FREM2: variants seen among roughly 807,000 people sequenced by gnomAD.
FREM2 encodes FRAS1 related extracellular matrix 2, also known as FRAS1-related extracellular matrix protein 2.
FREM2 carries 119 observed loss-of-function variants against 219.9 expected under a neutral mutation model. The ratio of observed to expected loss-of-function variants is 0.54; its 90% CI spans 0.47 to 0.63. FREM2 has a LOEUF of 0.63. Ranked by LOEUF, FREM2 falls within the 30% of genes least tolerant of loss-of-function variation. The pLI, the probability that FREM2 is intolerant of heterozygous loss-of-function variation, is 0.00. For missense variants in FREM2, 4,030 were observed against 3,993.6 expected (o/e 1.01, Z -0.25); for synonymous variants, 1,562 against 1,522.8 (o/e 1.03, Z -0.60).
In FREM2 at chr13:38,840,727, T is replaced by TAC. The variant is rs200412970; in HGVS notation, c.6020-5845_6020-5844insCA. 8.2e-3 allele frequency among the ~76,000 whole-genome samples: 1,200 copies of TAC among 146,848 alleles called. 12 individuals are homozygous for TAC. Among genetic ancestry groups the TAC allele is most frequent in the African/African-American group, 0.029 (1,149 of 39,758 alleles). On this transcript the variant is annotated intron_variant, in intron 6 of 23. Transcript: ENST00000280481. ...ATACACACACACACACAGATATATATATATACACACACACACACATACATA... is the reference window on the plus strand; with the variant it reads ...ATACACACACACACACAGATATATATACATATACACACACACACACATACATA...
chr13:38,851,288 G>A (rs1440512335), intron 10 of FREM2, among the ~76,000 whole-genome samples, 180 bp downstream of exon 10: 7 of 152,142 alleles, frequency 4.6e-5, no homozygotes, highest in Non-Finnish European at 1.5e-5. Context: ...CATTAAAACT[G>A]ATAAAGTTGA....
At chr13:38,712,580 A>G (rs1019104393) in intron 2 of FREM2, among the ~76,000 whole-genome samples, 2 of 152,048 alleles carry the variant, frequency 1.3e-5, no homozygotes, top group Non-Finnish European at 2.9e-5. Flanking sequence ...GCAGGCAGAT[A>G]TACATACACA....
chr13:38,692,605 A>C (rs1413508817), intron 1 of FREM2, 88 bp downstream of exon 1: 23 of 1,459,486 alleles, frequency 1.6e-5, no homozygotes, highest in Non-Finnish European at 2.0e-5. Flanking sequence ...ATTAAATTAG[A>C]GTCCAAGAGA....
chr13:38,771,810 G>A lies in FREM2; in HGVS notation c.5641+2002G>A, dbSNP rs1873676208. 2.6e-5 allele frequency among the ~76,000 whole-genome samples: 4 copies of A among 152,094 alleles called. No homozygotes were observed. The East Asian group carries it at 5.8e-4, about 22-fold the overall frequency. On this transcript the variant is annotated intron_variant, in intron 4 of 23. Coordinates refer to ENST00000280481, the MANE Select transcript of FREM2 (RefSeq NM_207361.6). ...AACCCAACTCTATTTCTAGTTGTAT[G>A]ACCTGAAATAAAACAGCTTTTAATA...
At chr13:38,715,320 T>G (rs1181255529) in intron 2 of FREM2, among the ~76,000 whole-genome samples, 2 of 152,080 alleles carry the variant, frequency 1.3e-5, no homozygotes, top group Non-Finnish European at 2.9e-5. Context: ...AAGAAATAAT[T>G]CAAAAAGTAG....
chr13:38,821,112 C>G (rs1266597094), intron 6 of FREM2, among the ~76,000 whole-genome samples: 3 of 152,110 alleles, frequency 2.0e-5, no homozygotes, highest in Non-Finnish European at 4.4e-5. Context: ...TCCCTATGTT[C>G]TCTGTGAACC....
rs981591348 is a variant in FREM2, at chr13:38,850,820, C to G, written c.6578-124C>G. 16 of 1,068,352 alleles carry G rather than the reference C, an allele frequency of 1.5e-5. No individual in the cohort carries two copies. The Admixed American group carries it at 2.8e-4, about 18-fold the overall frequency. 66.2% of individuals were successfully genotyped at this position (1,068,352 alleles called of 1,614,324 possible). ...TATCTGCTGAAGGCTTATTGCATGCCAAACACTATTTATTGCACTGATACA... is the reference window on the plus strand; with the variant it reads ...TATCTGCTGAAGGCTTATTGCATGCGAAACACTATTTATTGCACTGATACA... On this transcript the variant is annotated intron_variant, in intron 9 of 23. Transcript: ENST00000280481.
Position 38,885,209 on chromosome 13 carries a change from T to C in FREM2, c.*4422T>C, listed in dbSNP as rs1878686443. ...TCAGGAAGAGTACATCAGAAACTTC[T>C]CCATAAGGAAAGAAAACTGACTCTC... On this transcript the variant is annotated 3_prime_UTR_variant, in exon 24 of 24. Coordinates refer to ENST00000280481, the MANE Select transcript of FREM2 (RefSeq NM_207361.6). 1 of 152,148 alleles carries C rather than the reference T, an allele frequency of 6.6e-6. No individual in the cohort carries two copies. Among genetic ancestry groups the C allele is most frequent in the Non-Finnish European group, 1.5e-5 (1 of 68,000 alleles). 9.4% of individuals were successfully genotyped at this position (152,148 alleles called of 1,614,324 possible). A position where few individuals can be genotyped will look rare whatever the true frequency, so the allele number is the denominator to read the frequency against.
At chr13:38,874,235 T>C in intron 17 of FREM2, among the ~76,000 whole-genome samples, 1 of 152,228 alleles carries the variant, frequency 6.6e-6, no homozygotes, top group East Asian at 1.9e-4. Context: ...CTTGGTCTAT[T>C]GTAAGTAATC....
At chr13:38,767,955 C>T (rs547134163) in intron 3 of FREM2, among the ~76,000 whole-genome samples, 27 of 152,254 alleles carry the variant, frequency 1.8e-4, no homozygotes, top group African/African-American at 6.0e-4. Flanking sequence ...ATTAAAATAA[C>T]AGTCATTGAT....
chr13:38,828,139 C>T (rs1201857472), intron 6 of FREM2, among the ~76,000 whole-genome samples: 1 of 152,036 alleles, frequency 6.6e-6, no homozygotes, highest in Admixed American at 6.6e-5. Flanking sequence ...GGTAAAGTGG[C>T]ACAATATTCC....
intron 6 of FREM2, among the ~76,000 whole-genome samples, chr13:38,824,532 A>G (rs1876196919): frequency 6.6e-6 from 1 of 152,080 alleles, no homozygotes; most frequent in Admixed American, 6.6e-5. Flanking sequence ...CTCATAGGTT[A>G]GGGGTTTTCC....
At chr13:38,850,843 A>G in intron 9 of FREM2, 101 bp from the exon 10 acceptor site, 3 of 1,303,896 alleles carry the variant, frequency 2.3e-6, no homozygotes, top group Non-Finnish European at 3.3e-6. Context: ...TTGCACTGAT[A>G]CAGCAGGGAA....
intron 6 of FREM2, among the ~76,000 whole-genome samples, chr13:38,817,490 T>A (rs533460544): frequency 1.3e-5 from 2 of 152,168 alleles, no homozygotes; most frequent in South Asian, 4.1e-4. Flanking sequence ...ATAAATGGTA[T>A]TGGGAAAATT....
chr13:38,813,350 G>GT (rs932677688), intron 6 of FREM2, among the ~76,000 whole-genome samples: 2 of 150,852 alleles, frequency 1.3e-5, no homozygotes, highest in South Asian at 4.2e-4. Flanking sequence ...AGGGTAAAAG[G>GT]TTTTTTTTCC....
At position 38,876,104 on chromosome 13, in the gene FREM2, C is replaced by A. The variant is rs1264927634; in HGVS notation, c.8364C>A (p.Thr2788=). ...TCCGCCTCATAAGGAGTGAACCAAC[C>A]TATAACCAGCCAGTACAGCAGTGGA... ...FSLRLIRSEP[T]YNQPVQQWSF... is the part of the protein sequence containing the mutation. The change falls in exon 19 of 24, where the codon ACC becomes ACA. Residue 2788 remains threonine, a synonymous_variant. Coordinates refer to ENST00000280481, the MANE Select transcript of FREM2 (RefSeq NM_207361.6). 6.2e-7 allele frequency: 1 copy of A among 1,613,980 alleles called. No individual in the cohort carries two copies. Among genetic ancestry groups the A allele is most frequent in the African/African-American group, 1.3e-5 (1 of 74,898 alleles).
chr13:38,829,125 A>G (rs1876410817), intron 6 of FREM2, among the ~76,000 whole-genome samples: 1 of 152,146 alleles, frequency 6.6e-6, no homozygotes, highest in South Asian at 2.1e-4. Flanking sequence ...ACAGGTGAAG[A>G]ACTGAGACAC....
intron 6 of FREM2, among the ~76,000 whole-genome samples, chr13:38,831,880 G>A (rs189985870): frequency 1.3e-5 from 2 of 151,642 alleles, no homozygotes; most frequent in East Asian, 2.0e-4. Context: ...TTGGCCTACC[G>A]GAGTGCTGGG....
intron 6 of FREM2, among the ~76,000 whole-genome samples, chr13:38,843,460 A>G (rs986660605): frequency 6.6e-6 from 1 of 151,672 alleles, no homozygotes; most frequent in Non-Finnish European, 1.5e-5. Flanking sequence ...AAAGTTTACC[A>G]AAGAAAGAGG....
Sources: gnomAD v4.1 joint callset for allele counts (sites outside exome capture counted in the v4.1 genomes callset) on GRCh38, gnomAD v4.1.1 for gene constraint, MANE v1.5 for transcripts, NCBI Gene and HGNC (gene_info 2026-07-23, HGNC 2026-07-21) for gene names.